The following TXNRD1 variants were observed in gnomAD, a reference collection of about 807,000 sequenced individuals.
TXNRD1 encodes the protein thioredoxin reductase 1, cytoplasmic.
In TXNRD1, 57 loss-of-function variants were observed where a neutral mutation model predicts 80.3. That is an observed-to-expected ratio of 0.71 (90% CI 0.57 to 0.89). TXNRD1 has a LOEUF of 0.89. Ranked by LOEUF, TXNRD1 falls within the 40% of genes least tolerant of loss-of-function variation. TXNRD1 has a pLI of 0.00. For missense variants in TXNRD1, 730 were observed against 803.0 expected (o/e 0.91, Z 1.10); for synonymous variants, 291 against 285.2 (o/e 1.02, Z -0.20).
intron 4 of TXNRD1, among the ~76,000 whole-genome samples, chr12:104,307,806 A>C (rs1484862519): frequency 3.3e-5 from 5 of 152,146 alleles, no homozygotes; most frequent in African/African-American, 1.2e-4. Flanking sequence ...GTCTGGGGAA[A>C]GGGATTACTA....
Position 104,289,265 on chromosome 12 carries a change from T to A in TXNRD1, c.414+225T>A, listed in dbSNP as rs1483458993. 16 of 448,334 alleles carry A rather than the reference T, an allele frequency of 3.6e-5. No individual in the cohort carries two copies. The South Asian group carries it at 5.7e-4, about 16-fold the overall frequency. 27.8% of individuals were successfully genotyped at this position (448,334 alleles called of 1,614,324 possible). On this transcript the variant is annotated intron_variant, in intron 4 of 16. Transcript: ENST00000525566. ...AACTTGAAATTTCTAACGCTTTTTATCTTTTAAAATAGCTTTTTAAAAATG... is the reference window on the plus strand; with the variant it reads ...AACTTGAAATTTCTAACGCTTTTTAACTTTTAAAATAGCTTTTTAAAAATG...
chr12:104,237,538 G>T (rs983600770), intron 1 of TXNRD1, among the ~76,000 whole-genome samples: 1 of 152,164 alleles, frequency 6.6e-6, no homozygotes, highest in Non-Finnish European at 1.5e-5. Flanking sequence ...CTGCTTATTA[G>T]GCCCTAAAAA....
Position 104,254,644 on chromosome 12 carries a change from A to AAATATAT in TXNRD1, c.243+2967_243+2968insATATATA. Among the ~76,000 whole-genome samples, 89 of 93,632 alleles carry AAATATAT rather than the reference A, an allele frequency of 9.5e-4. 4 individuals carry two copies. Among genetic ancestry groups the AAATATAT allele is most frequent in the African/African-American group, 4.4e-3 (85 of 19,390 alleles). The allele number at this position is 93,632 out of a possible 152,430, so 61.4% of individuals were successfully genotyped here. A position where few individuals can be genotyped will look rare whatever the true frequency, so the allele number is the denominator to read the frequency against. Reference sequence around the variant, plus strand: ...CTATGTCTATGGAAAAAAAAAAAAAAATATATATATATATATATATATCAG... The same window carrying AAATATAT: ...CTATGTCTATGGAAAAAAAAAAAAAAAATATATATATATATATATATATATATATCAG... On this transcript the variant is annotated intron_variant, in intron 2 of 16. Transcript: ENST00000525566.
At chr12:104,288,844 G>A (rs749085049) in intron 3 of TXNRD1, 87 bp from the exon 4 acceptor site, 4 of 1,611,458 alleles carry the variant, frequency 2.5e-6, no homozygotes, top group South Asian at 1.1e-5. Flanking sequence ...GCGGGGCCGG[G>A]ACGGAAGCCC....
chr12:104,244,053 G>A (rs555161897), intron 1 of TXNRD1, among the ~76,000 whole-genome samples: 2 of 152,270 alleles, frequency 1.3e-5, no homozygotes, highest in South Asian at 2.1e-4. Flanking sequence ...CTTATGTACC[G>A]TGATGTTCCT....
At chr12:104,253,234 G>A (rs751439281) in intron 2 of TXNRD1, among the ~76,000 whole-genome samples, 36 of 152,046 alleles carry the variant, frequency 2.4e-4, no homozygotes, top group Non-Finnish European at 3.7e-4. Context: ...GAAGGTGGGC[G>A]GCAAAAACAC....
intron 3 of TXNRD1, among the ~76,000 whole-genome samples, chr12:104,282,359 T>G (rs2033895964): frequency 6.6e-6 from 1 of 152,234 alleles, no homozygotes; most frequent in South Asian, 2.1e-4. Context: ...GAGCAATGTT[T>G]TGTACCCTGA....
At position 104,289,046 on chromosome 12, in the gene TXNRD1, A is replaced by C. The variant is rs577786825; in HGVS notation, c.414+6A>C. On this transcript the variant is annotated splice_donor_region_variant and intron_variant, in intron 4 of 16. Transcript: ENST00000525566. The stretch of plus-strand genomic sequence containing the variant: ...GCCATGGTCCAACCTTGAAGGTAGG[A>C]GAGAGTAACGTATCTTTTTAAACGG... The C allele has an allele frequency of 1.9e-6, 3 of 1,612,528 alleles. No individual in the cohort carries two copies. Among genetic ancestry groups the C allele is most frequent in the Admixed American group, 3.3e-5 (2 of 59,888 alleles).
chr12:104,227,616 C>T (rs931542103), intron 1 of TXNRD1, among the ~76,000 whole-genome samples: 2 of 152,058 alleles, frequency 1.3e-5, no homozygotes, highest in African/African-American at 4.8e-5. Context: ...GATCGGGTTA[C>T]ATAACAGTTC....
intron 4 of TXNRD1, chr12:104,309,682 A>G: frequency 9.6e-7 from 1 of 1,046,382 alleles, no homozygotes; most frequent in East Asian, 2.9e-5. Context: ...CCCAGTAGGG[A>G]GTCACACTAG....
intron 7 of TXNRD1, among the ~76,000 whole-genome samples, chr12:104,316,825 G>A (rs1327146047): frequency 6.6e-6 from 1 of 152,132 alleles, no homozygotes; most frequent in African/African-American, 2.4e-5. Context: ...GTGATTTGAG[G>A]TTTGAGACCT....
intron 14 of TXNRD1, among the ~76,000 whole-genome samples, chr12:104,332,721 C>G (rs1220221009): frequency 4.4e-5 from 6 of 136,046 alleles, no homozygotes; most frequent in Non-Finnish European, 9.1e-5. Context: ...TGCACTCCAG[C>G]CTGGGCAACA....
intron 3 of TXNRD1, among the ~76,000 whole-genome samples, chr12:104,282,238 C>T (rs1239976039): frequency 6.6e-6 from 1 of 152,068 alleles, no homozygotes; most frequent in African/African-American, 2.4e-5. Context: ...TGGCAGTGGG[C>T]AAAATTAGTC....
At chr12:104,341,330 T>A (rs1308045784) in intron 16 of TXNRD1, among the ~76,000 whole-genome samples, 1 of 152,130 alleles carries the variant, frequency 6.6e-6, no homozygotes, top group Non-Finnish European at 1.5e-5. Context: ...ATAAAAAAAA[T>A]TGGGTGAAAT....
At chr12:104,336,453 G>A (rs1205415706) in intron 15 of TXNRD1, among the ~76,000 whole-genome samples, 5 of 152,134 alleles carry the variant, frequency 3.3e-5, no homozygotes, top group African/African-American at 4.8e-5. Context: ...TCCCTGGGGC[G>A]TGCTTTATTC....
chr12:104,252,661 T>TA (rs1565863247), intron 2 of TXNRD1, among the ~76,000 whole-genome samples: 2,376 of 58,446 alleles, frequency 0.041, 193 homozygotes, highest in African/African-American at 0.12. Flanking sequence ...TTTATTATTT[T>TA]TTATATATAT....
chr12:104,346,669 TA>T (rs1421517735), intron 16 of TXNRD1, among the ~76,000 whole-genome samples: 2 of 152,212 alleles, frequency 1.3e-5, no homozygotes, highest in Non-Finnish European at 2.9e-5. Flanking sequence ...ACATTTTTTT[TA>T]AACAAAGGAA....
chr12:104,311,806 C>T (rs1422088324), intron 5 of TXNRD1, among the ~76,000 whole-genome samples: 2 of 151,988 alleles, frequency 1.3e-5, no homozygotes, highest in Non-Finnish European at 2.9e-5. Context: ...TGTGGTGAAA[C>T]TCCATCTCTA....
At chr12:104,314,302 A>G (rs1037948567) in intron 6 of TXNRD1, among the ~76,000 whole-genome samples, 8 of 152,220 alleles carry the variant, frequency 5.3e-5, no homozygotes, top group African/African-American at 9.6e-5. Flanking sequence ...ATAATATAAG[A>G]TTTTTTAAAG....
Sources: allele counts gnomAD v4.1 joint callset (sites outside exome capture counted in the v4.1 genomes callset), GRCh38; gene constraint gnomAD v4.1.1; transcripts MANE v1.5; gene names NCBI Gene and HGNC (gene_info 2026-07-23, HGNC 2026-07-21).